The following DCC variants were observed in gnomAD, a reference collection of about 807,000 sequenced individuals.
DCC encodes DCC netrin 1 receptor, also known as netrin receptor DCC.
In DCC, 58 loss-of-function variants were observed where a neutral mutation model predicts 172.5. That is an observed-to-expected ratio of 0.34 (90% CI 0.27 to 0.42). The LOEUF (loss-of-function observed/expected upper bound fraction) is 0.42. Among genes scored for constraint, DCC ranks in the 10% least tolerant of loss-of-function variants. The probability of loss-of-function intolerance (pLI) is 1.00; values close to 1 mark genes in which losing one functional copy is unlikely to be tolerated. For synonymous variants in DCC, 709 were observed against 644.5 expected (o/e 1.10, Z -1.52); for missense variants, 1,740 against 1,791.0 (o/e 0.97, Z 0.51).
At chr18:52,536,285 A>C (rs1436050526) in intron 1 of DCC, among the ~76,000 whole-genome samples, 1 of 152,140 alleles carries the variant, frequency 6.6e-6, no homozygotes. Context: ...TTCAAGAACC[A>C]CTTGGTCCTG....
chr18:53,450,629 T>C lies in DCC; in HGVS notation c.3359T>C (p.Ile1120Thr), dbSNP rs773311909. The C allele has an allele frequency of 2.5e-6, 4 of 1,613,940 alleles. No individual in the cohort carries two copies. In the East Asian group the frequency reaches 8.9e-5, roughly 36 times the overall value. The change falls in exon 23 of 29, where the codon ATT (isoleucine) becomes ACT (threonine). Residue 1120 changes from isoleucine (I) to threonine (T), a missense_variant. Coordinates refer to ENST00000442544, the MANE Select transcript of DCC (RefSeq NM_005215.4). ...TVLVVVIVAV[I>T]CTRRSSAQQR... The stretch of plus-strand genomic sequence containing the variant: ...CTGGTAGTGGTCATCGTGGCTGTGA[T>C]TTGCACCCGACGCTCTTCAGCCCAG...
chr18:52,782,307 T>G (rs546954914), intron 2 of DCC, among the ~76,000 whole-genome samples: 132 of 152,260 alleles, frequency 8.7e-4, no homozygotes, highest in African/African-American at 3.1e-3. Context: ...ATTGTGAAGG[T>G]TTTGGCAACA....
intron 1 of DCC, among the ~76,000 whole-genome samples, chr18:52,622,929 T>C (rs1176861030): frequency 6.6e-6 from 1 of 152,232 alleles, no homozygotes; most frequent in Admixed American, 6.5e-5. Context: ...CAGCTCCATG[T>C]TTTAAATTCA....
chr18:53,341,871 T>C (rs2057663870), intron 15 of DCC, among the ~76,000 whole-genome samples: 1 of 152,120 alleles, frequency 6.6e-6, no homozygotes. Context: ...TCAGTTTCCA[T>C]AGTAACTTTT....
intron 1 of DCC, among the ~76,000 whole-genome samples, chr18:52,746,259 G>A (rs937987093): frequency 8.5e-5 from 13 of 152,154 alleles, no homozygotes; most frequent in East Asian, 1.9e-4. Context: ...GAAGATTCAC[G>A]GATCATCAGA....
At chr18:53,501,958 A>G (rs2046106165) in intron 27 of DCC, among the ~76,000 whole-genome samples, 1 of 152,204 alleles carries the variant, frequency 6.6e-6, no homozygotes, top group Non-Finnish European at 1.5e-5. Flanking sequence ...TAAGTGGATT[A>G]TGTCCTTCAT....
At chr18:53,405,935 T>G (rs1192143561) in intron 19 of DCC, among the ~76,000 whole-genome samples, 2 of 152,206 alleles carry the variant, frequency 1.3e-5, no homozygotes, top group African/African-American at 2.4e-5. Flanking sequence ...TTGCTCCAAT[T>G]TATTAGTATT....
chr18:52,533,972 A>C (rs1300991044), intron 1 of DCC, among the ~76,000 whole-genome samples: 2 of 151,980 alleles, frequency 1.3e-5, no homozygotes, highest in Non-Finnish European at 2.9e-5. Context: ...GGACTTTGTG[A>C]CTGGCTTATT....
At chr18:53,291,375 T>C (rs1438457939) in intron 12 of DCC, among the ~76,000 whole-genome samples, 4 of 152,186 alleles carry the variant, frequency 2.6e-5, no homozygotes, top group Non-Finnish European at 5.9e-5. Context: ...TCTTATCCTA[T>C]AGTTGCCGTT....
At chr18:52,986,416 A>T (rs1226590686) in intron 5 of DCC, among the ~76,000 whole-genome samples, 1 of 152,060 alleles carries the variant, frequency 6.6e-6, no homozygotes, top group East Asian at 1.9e-4. Context: ...TTCTATATTT[A>T]CTTTAAATCT....
chr18:53,355,867 T>G (rs2057872674), intron 15 of DCC, among the ~76,000 whole-genome samples: 1 of 152,132 alleles, frequency 6.6e-6, no homozygotes, highest in African/African-American at 2.4e-5. Context: ...TTGTCATGGA[T>G]TTTATACAAT....
At chr18:53,190,535 G>A (rs570747424) in intron 9 of DCC, among the ~76,000 whole-genome samples, 2 of 150,772 alleles carry the variant, frequency 1.3e-5, no homozygotes, top group African/African-American at 4.9e-5. Flanking sequence ...GATCGTTTCA[G>A]GAAAAATGAT....
chr18:52,856,269 A>G (rs1049640751), intron 2 of DCC, among the ~76,000 whole-genome samples: 3 of 152,178 alleles, frequency 2.0e-5, no homozygotes, highest in Admixed American at 6.5e-5. Flanking sequence ...TATTCTATTT[A>G]TGAAGATGTC....
At chr18:53,529,833 A>ACTT (rs1461859508) in intron 28 of DCC, among the ~76,000 whole-genome samples, 2 of 152,154 alleles carry the variant, frequency 1.3e-5, no homozygotes, top group Non-Finnish European at 2.9e-5. Flanking sequence ...GATAATAGTG[A>ACTT]CTTATAGTGA....
chr18:53,084,860 G>T (rs2042856438), intron 7 of DCC, among the ~76,000 whole-genome samples: 1 of 152,192 alleles, frequency 6.6e-6, no homozygotes, highest in African/African-American at 2.4e-5. Flanking sequence ...CACTAATTTT[G>T]CATCTACATT....
chr18:52,855,192 C>T (rs117715492), intron 2 of DCC, among the ~76,000 whole-genome samples: 2,336 of 152,294 alleles, frequency 0.015, 22 homozygotes, highest in Non-Finnish European at 0.024. Context: ...CCCGATCAGT[C>T]CCCACTATTT....
At chr18:53,298,101 A>G (rs2144763698) in intron 12 of DCC, among the ~76,000 whole-genome samples, 1 of 152,328 alleles carries the variant, frequency 6.6e-6, no homozygotes, top group African/African-American at 2.4e-5. Flanking sequence ...AATGTGATAA[A>G]GAAAAATTGT....
chr18:53,012,327 A>G (rs2041742155), intron 5 of DCC, among the ~76,000 whole-genome samples: 1 of 152,034 alleles, frequency 6.6e-6, no homozygotes, highest in South Asian at 2.1e-4. Context: ...TGATGAGTCA[A>G]AAATAGAATA....
chr18:52,396,760 C>A (rs766443476), intron 1 of DCC, among the ~76,000 whole-genome samples: 1 of 151,900 alleles, frequency 6.6e-6, no homozygotes, highest in Non-Finnish European at 1.5e-5. Flanking sequence ...TAAGTTGAAC[C>A]TAGAGTTGAT....
Sources: allele counts gnomAD v4.1 joint callset (sites outside exome capture counted in the v4.1 genomes callset), GRCh38; gene constraint gnomAD v4.1.1; transcripts MANE v1.5; gene names NCBI Gene and HGNC (gene_info 2026-07-23, HGNC 2026-07-21).